CNTN4: variants seen among roughly 807,000 people sequenced by gnomAD.
CNTN4 encodes contactin-4.
CNTN4 carries 77 observed loss-of-function variants against 122.5 expected under a neutral mutation model. The observed-to-expected ratio is 0.63, with a 90% CI of 0.52 to 0.76. The LOEUF is 0.76. Among genes scored for constraint, CNTN4 ranks in the 30% least tolerant of loss-of-function variants. The pLI, the probability that CNTN4 is intolerant of heterozygous loss-of-function variation, is 0.00. For synonymous variants in CNTN4, 512 were observed against 447.0 expected (o/e 1.15, Z -1.83); for missense variants, 1,256 against 1,259.1 (o/e 1.00, Z 0.04).
chr3:2,717,702 G>A (rs2087583139), intron 4 of CNTN4, among the ~76,000 whole-genome samples: 1 of 151,898 alleles, frequency 6.6e-6, no homozygotes, highest in Non-Finnish European at 1.5e-5. Flanking sequence ...TCAACTTTTT[G>A]AGCAACTGCA....
At chr3:2,608,045 G>T (rs997935065) in intron 4 of CNTN4, among the ~76,000 whole-genome samples, 3 of 151,994 alleles carry the variant, frequency 2.0e-5, no homozygotes, top group Non-Finnish European at 2.9e-5. Context: ...TAATTTAGAC[G>T]TTTAGGTTAA....
intron 5 of CNTN4, among the ~76,000 whole-genome samples, chr3:2,742,548 A>G (rs1026257131): frequency 7.0e-6 from 1 of 142,730 alleles, no homozygotes; most frequent in East Asian, 2.1e-4. Context: ...AAGAAAGAGG[A>G]TTTTGCTACA....
chr3:3,052,978 A>G (rs1481527263), intron 23 of CNTN4, among the ~76,000 whole-genome samples: 2 of 152,278 alleles, frequency 1.3e-5, no homozygotes, highest in East Asian at 1.9e-4. Flanking sequence ...CAGAGATACT[A>G]TTTCTTACAT....
At chr3:2,497,751 C>T (rs1171849533) in intron 3 of CNTN4, among the ~76,000 whole-genome samples, 2 of 152,108 alleles carry the variant, frequency 1.3e-5, no homozygotes, top group Admixed American at 6.6e-5. Flanking sequence ...ACTTTTGAAT[C>T]CCTTATAGAG....
chr3:2,245,320 T>A (rs1283598874), intron 2 of CNTN4, among the ~76,000 whole-genome samples: 1 of 152,062 alleles, frequency 6.6e-6, no homozygotes, highest in Non-Finnish European at 1.5e-5. Flanking sequence ...TGGTGCAATA[T>A]CCAGCACAGT....
At chr3:2,402,267 T>G (rs1271200883) in intron 3 of CNTN4, among the ~76,000 whole-genome samples, 1 of 152,086 alleles carries the variant, frequency 6.6e-6, no homozygotes, top group Non-Finnish European at 1.5e-5. Flanking sequence ...ACAGAATCTC[T>G]CTTATGAGCT....
intron 3 of CNTN4, among the ~76,000 whole-genome samples, chr3:2,422,022 G>C (rs1283689030): frequency 2.0e-5 from 3 of 152,020 alleles, no homozygotes; most frequent in Non-Finnish European, 2.9e-5. Flanking sequence ...TCCTGCCTCT[G>C]TAATTAGCTT....
chr3:2,776,893 C>A (rs1516381), intron 6 of CNTN4, among the ~76,000 whole-genome samples: 98,320 of 152,048 alleles, frequency 0.65, 33,776 homozygotes, highest in Admixed American at 0.77. Flanking sequence ...TGCAGAGACT[C>A]TGTGTGAGGG....
At chr3:2,871,765 C>T (rs956575885) in intron 8 of CNTN4, among the ~76,000 whole-genome samples, 9 of 152,078 alleles carry the variant, frequency 5.9e-5, no homozygotes, top group South Asian at 2.1e-4. Context: ...ACATTTGCTT[C>T]GTTTCTTTTG....
At chr3:2,549,694 C>G (rs998328892) in intron 3 of CNTN4, among the ~76,000 whole-genome samples, 2 of 152,090 alleles carry the variant, frequency 1.3e-5, no homozygotes, top group South Asian at 4.1e-4. Flanking sequence ...GTTTTGGTAT[C>G]AGGATGATGC....
chr3:2,129,264 CAAA>C (rs11390812), intron 2 of CNTN4, among the ~76,000 whole-genome samples: 1 of 63,842 alleles, frequency 1.6e-5, no homozygotes. Context: ...TCCAAACCTG[CAAA>C]AAAAAAAAAA....
chr3:2,123,805 T>C (rs550722293), intron 2 of CNTN4, among the ~76,000 whole-genome samples: 1 of 152,322 alleles, frequency 6.6e-6, no homozygotes, highest in South Asian at 2.1e-4. Context: ...AAAACTATGT[T>C]TGGGATGACC....
In CNTN4 at chr3:3,006,052, A is replaced by AT. The variant is rs1198664983; in HGVS notation, c.1486+17589dup. On this transcript the variant is annotated intron_variant, in intron 14 of 24. Transcript: ENST00000418658. ...AGGCGCCCACCCCCACGCTCGGCTA[A>AT]TTTTTTTTTGCATTTTTAGTAGAGA... is the stretch of plus-strand genomic sequence containing the variant. Among the ~76,000 whole-genome samples, 66 of 150,202 alleles carry AT rather than the reference A, an allele frequency of 4.4e-4. 1 individual carries two copies. Among genetic ancestry groups the AT allele is most frequent in the Middle Eastern group, 6.9e-3 (2 of 290 alleles).
intron 2 of CNTN4, among the ~76,000 whole-genome samples, chr3:2,179,649 T>C (rs865916652): frequency 4.6e-5 from 7 of 152,084 alleles, no homozygotes; most frequent in South Asian, 2.1e-4. Context: ...TATTCACTTA[T>C]TTACACTCAG....
chr3:2,978,435 C>T (rs1050145500), intron 13 of CNTN4, among the ~76,000 whole-genome samples: 2 of 152,208 alleles, frequency 1.3e-5, no homozygotes, highest in African/African-American at 4.8e-5. Flanking sequence ...TAGACGGGAG[C>T]TAGAAAACCC....
intron 3 of CNTN4, among the ~76,000 whole-genome samples, chr3:2,379,911 G>T (rs1410220088): frequency 6.6e-6 from 1 of 152,022 alleles, no homozygotes; most frequent in Non-Finnish European, 1.5e-5. Flanking sequence ...AAAAAAATTA[G>T]CTGGGCATGG....
intron 7 of CNTN4, among the ~76,000 whole-genome samples, chr3:2,843,519 T>C (rs527743921): frequency 6.6e-6 from 1 of 152,334 alleles, no homozygotes; most frequent in African/African-American, 2.4e-5. Flanking sequence ...TGTTTAATTG[T>C]AACCCCCCAA....
chr3:2,500,635 T>C (rs1488077196), intron 3 of CNTN4, among the ~76,000 whole-genome samples: 5 of 152,318 alleles, frequency 3.3e-5, no homozygotes, highest in East Asian at 1.9e-4. Flanking sequence ...CTTTAGGCTT[T>C]GTTTTTATTA....
intron 14 of CNTN4, among the ~76,000 whole-genome samples, chr3:2,998,029 G>A (rs1370620943): frequency 6.6e-6 from 1 of 152,132 alleles, no homozygotes; most frequent in Non-Finnish European, 1.5e-5. Flanking sequence ...AGAAGAGGAG[G>A]ATCCAAAGGG....
Sources: allele counts gnomAD v4.1 joint callset (sites outside exome capture counted in the v4.1 genomes callset), GRCh38; gene constraint gnomAD v4.1.1; transcripts MANE v1.5; gene names NCBI Gene and HGNC (gene_info 2026-07-23, HGNC 2026-07-21).